TRIM71: variants seen among roughly 807,000 people sequenced by gnomAD.
The protein encoded by TRIM71 is tripartite motif containing 71, also known as E3 ubiquitin-protein ligase TRIM71.
Under a neutral mutation model 61.2 loss-of-function variants are expected in TRIM71, and 9 were observed. The observed-to-expected ratio is 0.15, with a 90% CI of 0.09 to 0.26. TRIM71 has a LOEUF of 0.26. Among genes scored for constraint, TRIM71 ranks in the 10% least tolerant of loss-of-function variants. The pLI, the probability that TRIM71 is intolerant of heterozygous loss-of-function variation, is 1.00. For synonymous variants in TRIM71, 645 were observed against 553.2 expected (o/e 1.17, Z -2.33); for missense variants, 998 against 1,238.7 (o/e 0.81, Z 2.92).
chr3:32,850,715 G>A (rs1213945645), intron 1 of TRIM71, among the ~76,000 whole-genome samples: 1 of 152,208 alleles, frequency 6.6e-6, no homozygotes, highest in Non-Finnish European at 1.5e-5. Flanking sequence ...GCAGGATGGA[G>A]AGAACGCTGC....
intron 1 of TRIM71, among the ~76,000 whole-genome samples, chr3:32,835,452 A>G (rs1415966014): frequency 6.6e-6 from 1 of 152,012 alleles, no homozygotes; most frequent in Admixed American, 6.5e-5. Context: ...AATCAAAAGT[A>G]TGTTAACACT....
chr3:32,838,692 T>A (rs145687250), intron 1 of TRIM71, among the ~76,000 whole-genome samples: 1 of 152,196 alleles, frequency 6.6e-6, no homozygotes, highest in African/African-American at 2.4e-5. Context: ...TGAACACTTA[T>A]GAGAAAGTTC....
rs777583979 is a variant in TRIM71, at chr3:32,886,053, T to C, written c.1140T>C (p.Cys380=). 1 of 1,613,414 alleles carries C rather than the reference T, an allele frequency of 6.2e-7. No individual in the cohort carries two copies. Among genetic ancestry groups the C allele is most frequent in the Admixed American group, 1.7e-5 (1 of 59,938 alleles). ...RHKKALEERE[C]ELLWKVEKIR... ...AGAAAGCCCTGGAGGAACGCGAGTG[T>C]GAGCTGCTGTGGAAGGTAACAGGGA... is the stretch of plus-strand genomic sequence containing the variant. The change falls in exon 3 of 4, where the codon TGT becomes TGC. Residue 380 remains cysteine (C), a synonymous_variant. Coordinates refer to ENST00000383763, the MANE Select transcript of TRIM71 (RefSeq NM_001039111.3).
At position 32,897,525 on chromosome 3, in the gene TRIM71, C is replaced by T. The variant is rs909616590; in HGVS notation, c.*5714C>T. ...TTGGTTGATTTTGGGTTTTTTTCCCCCCTCCTCTTTTGGCTTTCACATTTT... is the reference window on the plus strand; with the variant it reads ...TTGGTTGATTTTGGGTTTTTTTCCCTCCTCCTCTTTTGGCTTTCACATTTT... On this transcript the variant is annotated 3_prime_UTR_variant, in exon 4 of 4. Transcript: ENST00000383763. The T allele has an allele frequency of 2.6e-5, 4 of 152,114 alleles. No homozygotes were observed. Among genetic ancestry groups the T allele is most frequent in the South Asian group, 4.2e-4 (2 of 4,812 alleles). The allele number at this position is 152,114 out of a possible 1,614,324, so 9.4% of individuals were successfully genotyped here. A position where few individuals can be genotyped will look rare whatever the true frequency, so the allele number is the denominator to read the frequency against.
At chr3:32,821,807 T>G (rs907185928) in intron 1 of TRIM71, among the ~76,000 whole-genome samples, 3 of 149,312 alleles carry the variant, frequency 2.0e-5, no homozygotes, top group East Asian at 2.0e-4. Flanking sequence ...GCAGGTAGAG[T>G]CGCCGCGGGC....
In TRIM71 at chr3:32,827,268, C is replaced by CTTTTTTTTTT. The variant is rs369755706; in HGVS notation, c.852+8341_852+8350dup. Among the ~76,000 whole-genome samples the CTTTTTTTTTT allele has an allele frequency of 6.9e-3, 891 of 129,434 alleles. 22 individuals carry two copies. In the East Asian group the frequency reaches 0.071, roughly 10 times the overall value. 84.9% of individuals were successfully genotyped at this position (129,434 alleles called of 152,430 possible). A position where few individuals can be genotyped will look rare whatever the true frequency, so the allele number is the denominator to read the frequency against. ...TGTCATGAAGGGTAGGGGGATAATTCTTTTTTTTTTTTTTGGGTGGAGTCT... is the reference window on the plus strand; with the variant it reads ...TGTCATGAAGGGTAGGGGGATAATTCTTTTTTTTTTTTTTTTTTTTTTTTGGGTGGAGTCT... On this transcript the variant is annotated intron_variant, in intron 1 of 3. Coordinates refer to ENST00000383763, the MANE Select transcript of TRIM71 (RefSeq NM_001039111.3).
chr3:32,844,086 TGCTTTCTCGCGTCGTC>T (rs1696442593), intron 1 of TRIM71, among the ~76,000 whole-genome samples: 1 of 152,190 alleles, frequency 6.6e-6, no homozygotes, highest in Admixed American at 6.5e-5. Flanking sequence ...TGCTTACCCA[TGCTTTCTCGCGTCGTC>T]GTTATTTTGT....
chr3:32,895,295 C>CA lies in TRIM71; in HGVS notation c.*3487dup, dbSNP rs1191102191. On this transcript the variant is annotated 3_prime_UTR_variant, in exon 4 of 4. Transcript: ENST00000383763. ...TCTAACTTATTTGGGAAACACATAACAAAGGGTACCATAAACCGAATCCAA... is the reference window on the plus strand; with the variant it reads ...TCTAACTTATTTGGGAAACACATAACAAAAGGGTACCATAAACCGAATCCAA... The CA allele has an allele frequency of 6.6e-6, 1 of 152,146 alleles. No individual in the cohort carries two copies. The highest frequency in any genetic ancestry group is 1.5e-5 in the Non-Finnish European group (1 of 68,032). The allele number at this position is 152,146 out of a possible 1,614,324, so 9.4% of individuals were successfully genotyped here. A position where few individuals can be genotyped will look rare whatever the true frequency, so the allele number is the denominator to read the frequency against.
intron 1 of TRIM71, among the ~76,000 whole-genome samples, chr3:32,848,196 T>C (rs1696496973): frequency 6.6e-6 from 1 of 152,214 alleles, no homozygotes; most frequent in Non-Finnish European, 1.5e-5. Flanking sequence ...TTTAATTTGT[T>C]AAATAGAAAT....
chr3:32,883,190 C>G (rs1375052449), intron 2 of TRIM71, among the ~76,000 whole-genome samples: 1 of 152,210 alleles, frequency 6.6e-6, no homozygotes, highest in Non-Finnish European at 1.5e-5. Context: ...TGTATCAATG[C>G]TATTATGATA....
intron 1 of TRIM71, among the ~76,000 whole-genome samples, chr3:32,868,639 T>C (rs1261666893): frequency 6.6e-6 from 1 of 151,904 alleles, no homozygotes; most frequent in Non-Finnish European, 1.5e-5. Context: ...AATAAAGCTT[T>C]TTTTTTTTTC....
intron 2 of TRIM71, among the ~76,000 whole-genome samples, chr3:32,874,671 C>T (rs1211309377): frequency 1.3e-5 from 2 of 151,954 alleles, no homozygotes; most frequent in Admixed American, 1.3e-4. Flanking sequence ...TACAGGCGCC[C>T]ACCACCACGC....
At position 32,818,697 on chromosome 3, in the gene TRIM71, A is replaced by T; in HGVS notation, c.617A>T (p.Asn206Ile). Residue 206 changes from asparagine (N) to isoleucine (I), a missense_variant, in exon 1 of 4, where the codon AAC becomes ATC. Transcript: ENST00000383763. ...GGCTGCAGCTCGTGCGATGAGGGCA[A>T]CGCAGCTTCTTCGCGCTGCCTCGAC... Reference protein sequence around the residue: ...PHGCSSCDEGNAASSRCLDCQ... With the variant: ...PHGCSSCDEGIAASSRCLDCQ... 6.3e-7 allele frequency: 1 copy of T among 1,580,192 alleles called. No individual in the cohort carries two copies. Among genetic ancestry groups the T allele is most frequent in the South Asian group, 1.1e-5 (1 of 88,710 alleles).
At chr3:32,838,143 C>T (rs942751121) in intron 1 of TRIM71, among the ~76,000 whole-genome samples, 2 of 152,088 alleles carry the variant, frequency 1.3e-5, no homozygotes, top group African/African-American at 4.8e-5. Context: ...GTAGAATTAC[C>T]GGGGATTTGC....
At chr3:32,819,871 C>G (rs1696108085) in intron 1 of TRIM71, among the ~76,000 whole-genome samples, 1 of 152,246 alleles carries the variant, frequency 6.6e-6, no homozygotes, top group Non-Finnish European at 1.5e-5. Context: ...TGCTGGAACG[C>G]CGGAGTGCAA....
In TRIM71 at chr3:32,818,022, T is replaced by TCTC. The variant is rs886969239; in HGVS notation, c.-43_-41dup. 422 of 1,532,742 alleles carry TCTC rather than the reference T, an allele frequency of 2.8e-4. No homozygotes were observed. The highest frequency in any genetic ancestry group is 7.1e-5 in the East Asian group (3 of 42,302). The allele number at this position is 1,532,742 out of a possible 1,614,324, so 94.9% of individuals were successfully genotyped here. On this transcript the variant is annotated 5_prime_UTR_variant, in exon 1 of 4. Transcript: ENST00000383763. ...ACTCCCCCACCCACCTCGTCCGCTC[T>TCTC]CTCCTCCTCCTCCTCCTCTTCCTCT...
Position 32,855,533 on chromosome 3 carries a change from C to T in TRIM71, c.853-18285C>T, listed in dbSNP as rs185541475. 3.3e-5 allele frequency among the ~76,000 whole-genome samples: 5 copies of T among 152,260 alleles called. No homozygotes were observed. In the East Asian group the frequency reaches 9.6e-4, roughly 29 times the overall value. ...TGTCTCTGACCTGTCTCTAGCCCTC[C>T]TCTTTTGCTGCTACATGGGGAACAC... On this transcript the variant is annotated intron_variant, in intron 1 of 3. Coordinates refer to ENST00000383763, the MANE Select transcript of TRIM71 (RefSeq NM_001039111.3).
At chr3:32,850,598 A>G (rs1313374987) in intron 1 of TRIM71, among the ~76,000 whole-genome samples, 1 of 152,164 alleles carries the variant, frequency 6.6e-6, no homozygotes, top group Non-Finnish European at 1.5e-5. Context: ...TTAATTCTCG[A>G]CCTTCTTTTG....
At chr3:32,841,682 A>G (rs1247018339) in intron 1 of TRIM71, among the ~76,000 whole-genome samples, 1 of 152,116 alleles carries the variant, frequency 6.6e-6, no homozygotes, top group Non-Finnish European at 1.5e-5. Flanking sequence ...AGTGCCGTAC[A>G]TTCTTTGGCT....
Sources: allele counts gnomAD v4.1 joint callset (sites outside exome capture counted in the v4.1 genomes callset), GRCh38; gene constraint gnomAD v4.1.1; transcripts MANE v1.5; gene names NCBI Gene and HGNC (gene_info 2026-07-23, HGNC 2026-07-21).